The following PRUNE2 variants were observed in gnomAD, a reference collection of about 807,000 sequenced individuals.
PRUNE2 encodes the protein protein prune homolog 2.
A neutral mutation model predicts 252.0 loss-of-function variants in PRUNE2; 164 were observed. The ratio of observed to expected loss-of-function variants is 0.65; its 90% CI spans 0.57 to 0.74. The LOEUF is 0.74. Ranked by LOEUF, PRUNE2 falls within the 30% of genes least tolerant of loss-of-function variation. PRUNE2 has a pLI of 0.00. For synonymous variants in PRUNE2, 1,292 were observed against 1,350.2 expected, an observed-to-expected ratio of 0.96 and a Z score of 0.94; for missense variants, 3,495 against 3,711.0, an observed-to-expected ratio of 0.94 and a Z score of 1.51.
At chr9:76,904,087 C>T (rs1156984270) in intron 1 of PRUNE2, among the ~76,000 whole-genome samples, 1 of 152,182 alleles carries the variant, frequency 6.6e-6, no homozygotes, top group Non-Finnish European at 1.5e-5. Flanking sequence ...AAGTGACCAA[C>T]ACACCTTTGC....
intron 1 of PRUNE2, among the ~76,000 whole-genome samples, chr9:76,877,526 A>T (rs2061541946): frequency 1.3e-5 from 2 of 152,040 alleles, no homozygotes; most frequent in African/African-American, 2.4e-5. Context: ...ACACAAAGGA[A>T]CAGCTTTCTA....
intron 1 of PRUNE2, among the ~76,000 whole-genome samples, chr9:76,905,657 G>A (rs576981946): frequency 5.3e-5 from 8 of 152,228 alleles, no homozygotes; most frequent in East Asian, 3.9e-4. Flanking sequence ...CTGATTTAGG[G>A]ACCGAAGCTG....
At chr9:76,842,692 T>A (rs749307072) in intron 4 of PRUNE2, among the ~76,000 whole-genome samples, 1 of 152,088 alleles carries the variant, frequency 6.6e-6, no homozygotes, top group African/African-American at 2.4e-5. Flanking sequence ...GAGACACTTC[T>A]CAAAAGAAGT....
At chr9:76,718,309 T>A (rs529200425) in intron 6 of PRUNE2, among the ~76,000 whole-genome samples, 1 of 152,342 alleles carries the variant, frequency 6.6e-6, no homozygotes, top group South Asian at 2.1e-4. Flanking sequence ...TAGATATCCT[T>A]GAGAGACAGA....
intron 4 of PRUNE2, among the ~76,000 whole-genome samples, chr9:76,838,682 G>C (rs1030939323): frequency 3.5e-5 from 5 of 141,984 alleles, no homozygotes; most frequent in Non-Finnish European, 6.1e-5. Flanking sequence ...AATACAGCCA[G>C]AACCCATCTG....
chr9:76,709,798 G>A lies in PRUNE2; in HGVS notation c.2476C>T (p.Pro826Ser), dbSNP rs1287145399. The change falls in exon 8 of 19, where the codon CCT becomes TCT. Residue 826 changes from proline to serine, a missense_variant. Coordinates refer to ENST00000376718, the MANE Select transcript of PRUNE2 (RefSeq NM_015225.3). ...CACTCATTCGGGTCCCTAACAGAAG[G>A]TGTCTTGCTGCTTGTTGGGTGCAAA... ...WNLHPTSSKT[P>S]SVRDPNEWAM... 1.9e-6 allele frequency: 3 copies of A among 1,613,972 alleles called. No individual in the cohort carries two copies. The highest frequency in any genetic ancestry group is 4.5e-5 in the East Asian group (2 of 44,872).
chr9:76,822,993 C>T (rs998074244), intron 6 of PRUNE2, among the ~76,000 whole-genome samples: 1 of 152,260 alleles, frequency 6.6e-6, no homozygotes, highest in East Asian at 1.9e-4. Context: ...CACAAATGTG[C>T]CTCTGTAAAA....
intron 9 of PRUNE2, among the ~76,000 whole-genome samples, chr9:76,697,417 A>C (rs2045491938): frequency 6.6e-6 from 1 of 152,140 alleles, no homozygotes; most frequent in South Asian, 2.1e-4. Context: ...TCTGGCCTCC[A>C]ACCACTCGAG....
chr9:76,894,978 A>G (rs570756989), intron 1 of PRUNE2, among the ~76,000 whole-genome samples: 3 of 151,994 alleles, frequency 2.0e-5, no homozygotes, highest in Admixed American at 2.0e-4. Context: ...GTGAGCCAAG[A>G]TGGCTCCATT....
intron 4 of PRUNE2, among the ~76,000 whole-genome samples, chr9:76,829,280 AATTC>A (rs1480523270): frequency 6.6e-6 from 1 of 152,204 alleles, no homozygotes; most frequent in Non-Finnish European, 1.5e-5. Context: ...GATATTTGCT[AATTC>A]ATAAGTGATA....
chr9:76,838,167 T>C (rs1589499479), intron 4 of PRUNE2, among the ~76,000 whole-genome samples: 1 of 151,908 alleles, frequency 6.6e-6, no homozygotes, highest in Middle Eastern at 3.4e-3. Context: ...ACCTTTTTTT[T>C]TCTCTTTTAT....
chr9:76,736,018 T>C (rs987644467), intron 6 of PRUNE2, among the ~76,000 whole-genome samples: 1 of 152,238 alleles, frequency 6.6e-6, no homozygotes, highest in Non-Finnish European at 1.5e-5. Flanking sequence ...TCACATAACA[T>C]TATCTTTTAA....
intron 6 of PRUNE2, among the ~76,000 whole-genome samples, chr9:76,774,537 C>T (rs775178694): frequency 6.8e-6 from 1 of 147,588 alleles, no homozygotes; most frequent in Admixed American, 7.1e-5. Flanking sequence ...CGGCTCACTG[C>T]AACCTCCACC....
chr9:76,619,399 G>GA lies in PRUNE2; in HGVS notation c.9189-13dup. 2 of 1,592,096 alleles carry GA rather than the reference G, an allele frequency of 1.3e-6. No homozygotes were observed. The highest frequency in any genetic ancestry group is 1.7e-6 in the Non-Finnish European group (2 of 1,164,746). On this transcript the variant is annotated splice_polypyrimidine_tract_variant and intron_variant, in intron 17 of 18. Transcript: ENST00000376718. ...AAAGGCAGCTAGTTCTGAGTGCAAGGAAAAAATAGGAAGCAGTCAACATTT... is the reference window on the plus strand; with the variant it reads ...AAAGGCAGCTAGTTCTGAGTGCAAGGAAAAAAATAGGAAGCAGTCAACATTT...
intron 9 of PRUNE2, among the ~76,000 whole-genome samples, chr9:76,666,191 T>C (rs1468520447): frequency 6.6e-6 from 1 of 152,146 alleles, no homozygotes; most frequent in Non-Finnish European, 1.5e-5. Flanking sequence ...AAGACACCCG[T>C]TGCCAAGCGG....
At chr9:76,838,041 G>A (rs2059153503) in intron 4 of PRUNE2, among the ~76,000 whole-genome samples, 1 of 151,978 alleles carries the variant, frequency 6.6e-6, no homozygotes, top group Non-Finnish European at 1.5e-5. Context: ...AAAATGCTGG[G>A]ATTACAGGTG....
intron 6 of PRUNE2, among the ~76,000 whole-genome samples, chr9:76,731,520 G>T (rs111782673): frequency 2.2e-3 from 336 of 151,928 alleles, no homozygotes; most frequent in African/African-American, 7.2e-3. Flanking sequence ...TATAGACAGG[G>T]TCTCATTATG....
intron 9 of PRUNE2, chr9:76,692,368 G>A (rs1001587060): frequency 1.3e-5 from 7 of 526,418 alleles, no homozygotes; most frequent in Non-Finnish European, 2.0e-5. Context: ...TATGTCAGTT[G>A]AGGAAAACTG....
intron 6 of PRUNE2, among the ~76,000 whole-genome samples, chr9:76,818,842 A>G (rs982819207): frequency 9.2e-5 from 14 of 152,236 alleles, no homozygotes; most frequent in African/African-American, 3.4e-4. Context: ...CTACTGTCAC[A>G]GTAGTATACA....
Sources: gnomAD v4.1 joint callset for allele counts (sites outside exome capture counted in the v4.1 genomes callset) on GRCh38, gnomAD v4.1.1 for gene constraint, MANE v1.5 for transcripts, NCBI Gene and HGNC (gene_info 2026-07-23, HGNC 2026-07-21) for gene names.